DAB1: variants seen among roughly 807,000 people sequenced by gnomAD.
The protein encoded by DAB1 is DAB adaptor protein 1.
A neutral mutation model predicts 64.6 loss-of-function variants in DAB1; 15 were observed. The observed-to-expected ratio is 0.23, with a 90% CI of 0.16 to 0.36. The LOEUF is 0.36. Ranked by LOEUF, DAB1 falls within the 10% of genes least tolerant of loss-of-function variation. DAB1 has a pLI of 1.00. For synonymous variants in DAB1, 235 were observed against 251.9 expected (o/e 0.93, Z 0.64); for missense variants, 596 against 706.7 (o/e 0.84, Z 1.78).
chr1:58,428,270 T>C (rs1461289339), intron 3 of DAB1, among the ~76,000 whole-genome samples: 1 of 152,186 alleles, frequency 6.6e-6, no homozygotes, highest in Non-Finnish European at 1.5e-5. Context: ...AGCTATAAAG[T>C]ACTTTTGCCA....
intron 1 of DAB1, chr1:58,539,209 T>C: frequency 1.1e-6 from 1 of 872,856 alleles, no homozygotes; most frequent in Non-Finnish European, 2.0e-6. Flanking sequence ...TGCTAATGTG[T>C]TACATTTTCT....
intron 4 of DAB1, among the ~76,000 whole-genome samples, chr1:57,124,226 T>C (rs1275337983): frequency 6.6e-6 from 1 of 152,220 alleles, no homozygotes; most frequent in Admixed American, 6.5e-5. Flanking sequence ...GAAGAAGTTT[T>C]TGTTCAGTGC....
At chr1:58,471,125 T>G (rs1331326594) in intron 3 of DAB1, among the ~76,000 whole-genome samples, 3 of 152,198 alleles carry the variant, frequency 2.0e-5, no homozygotes, top group Non-Finnish European at 4.4e-5. Flanking sequence ...AATATCTCAC[T>G]TCACAAAAAG....
At chr1:57,275,753 C>T (rs1028269561) in intron 2 of DAB1, among the ~76,000 whole-genome samples, 2 of 152,134 alleles carry the variant, frequency 1.3e-5, no homozygotes, top group African/African-American at 2.4e-5. Flanking sequence ...GTGACATGCC[C>T]GCAAAGGGGA....
intron 7 of DAB1, among the ~76,000 whole-genome samples, chr1:57,643,129 C>T (rs146669804): frequency 6.6e-6 from 1 of 152,318 alleles, no homozygotes; most frequent in Admixed American, 6.5e-5. Context: ...CTTTTATCCT[C>T]CACATCTCTG....
chr1:58,408,921 C>T (rs1321456250), intron 3 of DAB1, among the ~76,000 whole-genome samples: 1 of 152,046 alleles, frequency 6.6e-6, no homozygotes, highest in Non-Finnish European at 1.5e-5. Flanking sequence ...GTCCCAGATA[C>T]ACACAAAAAA....
intron 4 of DAB1, among the ~76,000 whole-genome samples, chr1:58,230,721 A>C (rs189159933): frequency 3.5e-4 from 54 of 152,360 alleles, no homozygotes; most frequent in Non-Finnish European, 6.8e-4. Context: ...CATATGACCA[A>C]ATGCAGCAAC....
At chr1:58,205,902 G>C (rs1658249668) in intron 4 of DAB1, among the ~76,000 whole-genome samples, 2 of 152,186 alleles carry the variant, frequency 1.3e-5, no homozygotes, top group African/African-American at 4.8e-5. Context: ...AACCCAGTTA[G>C]TCAATGCCAA....
At chr1:57,714,561 C>T (rs913705311) in intron 6 of DAB1, among the ~76,000 whole-genome samples, 1 of 152,116 alleles carries the variant, frequency 6.6e-6, no homozygotes, top group African/African-American at 2.4e-5. Flanking sequence ...GAGGAAGAAG[C>T]ATGAACAAAG....
chr1:57,756,318 C>T (rs1013987814), intron 6 of DAB1, among the ~76,000 whole-genome samples: 1 of 146,574 alleles, frequency 6.8e-6, no homozygotes, highest in Admixed American at 6.6e-5. Context: ...CACAGAACAG[C>T]ACCAAGAAGT....
chr1:57,251,072 A>G (rs947246520), intron 2 of DAB1, among the ~76,000 whole-genome samples: 1 of 152,246 alleles, frequency 6.6e-6, no homozygotes, highest in East Asian at 1.9e-4. Flanking sequence ...TATTGGATTT[A>G]TAGAGAAACC....
At chr1:57,568,166 GAAAT>G (rs1208473743) in intron 7 of DAB1, among the ~76,000 whole-genome samples, 1 of 152,168 alleles carries the variant, frequency 6.6e-6, no homozygotes, top group Non-Finnish European at 1.5e-5. Context: ...ACACAAACAA[GAAAT>G]GGGGAAAGGA....
At chr1:58,047,402 G>A (rs935195967) in intron 5 of DAB1, among the ~76,000 whole-genome samples, 1 of 152,202 alleles carries the variant, frequency 6.6e-6, no homozygotes, top group Non-Finnish European at 1.5e-5. Flanking sequence ...GTGGTGTGAA[G>A]TGTGGCACCA....
chr1:57,122,203 C>T (rs957842744), intron 4 of DAB1, among the ~76,000 whole-genome samples: 17 of 152,298 alleles, frequency 1.1e-4, no homozygotes, highest in African/African-American at 4.1e-4. Flanking sequence ...GTGTAATTGG[C>T]TGTTTACTCG....
At chr1:58,076,381 T>G (rs926177503) in intron 5 of DAB1, among the ~76,000 whole-genome samples, 3 of 152,198 alleles carry the variant, frequency 2.0e-5, no homozygotes, top group African/African-American at 7.2e-5. Context: ...CCCAAGGCCA[T>G]GCTGCCTCTT....
At chr1:58,040,937 G>A (rs935529564) in intron 5 of DAB1, among the ~76,000 whole-genome samples, 6 of 152,098 alleles carry the variant, frequency 3.9e-5, no homozygotes, top group African/African-American at 1.4e-4. Context: ...CCCGGGGATT[G>A]GCTCTTGCTG....
At chr1:58,530,023 G>T (rs1438608888) in intron 1 of DAB1, among the ~76,000 whole-genome samples, 2 of 152,008 alleles carry the variant, frequency 1.3e-5, no homozygotes, top group Non-Finnish European at 2.9e-5. Context: ...TGAGACTACA[G>T]GCGCCCGCCA....
intron 4 of DAB1, among the ~76,000 whole-genome samples, chr1:58,300,646 G>A (rs4912322): frequency 0.1 from 5,797 of 56,472 alleles, 652 homozygotes; most frequent in Non-Finnish European, 0.13. Context: ...GAGAGAGAGA[G>A]AGGAAGGAAG....
intron 3 of DAB1, among the ~76,000 whole-genome samples, chr1:58,368,947 G>A (rs1644240023): frequency 6.6e-6 from 1 of 152,168 alleles, no homozygotes; most frequent in Non-Finnish European, 1.5e-5. Flanking sequence ...CTTAAGCCCA[G>A]GAGGTCAAGG....
Sources: gnomAD v4.1 joint callset for allele counts (sites outside exome capture counted in the v4.1 genomes callset) on GRCh38, gnomAD v4.1.1 for gene constraint, MANE v1.5 for transcripts, NCBI Gene and HGNC (gene_info 2026-07-23, HGNC 2026-07-21) for gene names.